Variants in DOCK5 observed in about 807,000 individuals in gnomAD.
The protein encoded by DOCK5 is dedicator of cytokinesis 5, also known as dedicator of cytokinesis protein 5.
A neutral mutation model predicts 251.8 loss-of-function variants in DOCK5; 142 were observed. The ratio of observed to expected loss-of-function variants is 0.56; its 90% CI spans 0.49 to 0.65. The LOEUF is 0.65. Ranked by LOEUF, DOCK5 falls within the 30% of genes least tolerant of loss-of-function variation. DOCK5 has a pLI of 0.00. For missense variants in DOCK5, 2,111 were observed against 2,312.3 expected (o/e 0.91, Z 1.79); for synonymous variants, 842 against 835.5 (o/e 1.01, Z -0.13).
chr8:25,318,289 C>G (rs1241195062), intron 14 of DOCK5, among the ~76,000 whole-genome samples: 1 of 151,884 alleles, frequency 6.6e-6, no homozygotes, highest in African/African-American at 2.4e-5. Context: ...CGGGGTTTCA[C>G]TATGTTAGCC....
At chr8:25,194,728 C>T (rs1448576270) in intron 1 of DOCK5, among the ~76,000 whole-genome samples, 10 of 152,158 alleles carry the variant, frequency 6.6e-5, no homozygotes, top group Non-Finnish European at 1.5e-4. Context: ...TCTCTAACCC[C>T]AGAACCGCAC....
chr8:25,362,917 G>T, intron 28 of DOCK5, 130 bp from the exon 29 acceptor site: 1 of 676,760 alleles, frequency 1.5e-6, no homozygotes. Flanking sequence ...TAAAACCCTT[G>T]AAAGATGGGC....
Position 25,411,517 on chromosome 8 carries a change from G to C in DOCK5, c.*219G>C. ...CCCTTCCAGTCCACATGGAATTCCAGAATCAGTCACAGCCTCTGATTTTTT... is the reference window on the plus strand; with the variant it reads ...CCCTTCCAGTCCACATGGAATTCCACAATCAGTCACAGCCTCTGATTTTTT... On this transcript the variant is annotated 3_prime_UTR_variant, in exon 52 of 52. Coordinates refer to ENST00000276440, the MANE Select transcript of DOCK5 (RefSeq NM_024940.8). 1 of 531,206 alleles carries C rather than the reference G, an allele frequency of 1.9e-6. No individual in the cohort carries two copies. The allele number at this position is 531,206 out of a possible 1,614,324, so 32.9% of individuals were successfully genotyped here. A position where few individuals can be genotyped will look rare whatever the true frequency, so the allele number is the denominator to read the frequency against.
intron 5 of DOCK5, among the ~76,000 whole-genome samples, chr8:25,285,887 G>A (rs1332754061): frequency 6.6e-6 from 1 of 152,162 alleles, no homozygotes; most frequent in African/African-American, 2.4e-5. Context: ...AAGATGTGGC[G>A]TGGGACTGAC....
At chr8:25,351,502 C>T (rs1022061779) in intron 26 of DOCK5, 2 of 478,338 alleles carry the variant, frequency 4.2e-6, no homozygotes, top group Non-Finnish European at 7.5e-6. Context: ...GGCACTCATC[C>T]CTGCACAGCC....
At chr8:25,256,933 A>T (rs941723657) in intron 2 of DOCK5, among the ~76,000 whole-genome samples, 7 of 149,684 alleles carry the variant, frequency 4.7e-5, no homozygotes, top group Admixed American at 4.0e-4. Context: ...CATCTTTTCT[A>T]CCATTTTCTT....
intron 37 of DOCK5, chr8:25,376,396 G>A: frequency 1.0e-6 from 1 of 983,104 alleles, no homozygotes; most frequent in Non-Finnish European, 1.2e-6. Flanking sequence ...TTCTTATTTT[G>A]GGGGGAGGGA....
rs115053301 is a variant in DOCK5 at position 25,390,305 on chromosome 8, T to A, written c.4355+18T>A. 1,084 of 1,364,346 alleles carry A rather than the reference T, an allele frequency of 7.9e-4. 4 individuals are homozygous for A. The African/African-American group carries it at 0.014, about 18-fold the overall frequency. The allele number at this position is 1,364,346 out of a possible 1,614,324, so 84.5% of individuals were successfully genotyped here. A position where few individuals can be genotyped will look rare whatever the true frequency, so the allele number is the denominator to read the frequency against. On this transcript the variant is annotated intron_variant, in intron 42 of 51. Transcript: ENST00000276440. Reference sequence around the variant, plus strand: ...ATCTTAAAGTAAGTGGTTTTTCATTTAAAAAAAAAAAAAATCTGTGTCTAG... The same window carrying A: ...ATCTTAAAGTAAGTGGTTTTTCATTAAAAAAAAAAAAAAATCTGTGTCTAG...
chr8:25,350,546 A>G (rs1800448393), intron 26 of DOCK5, among the ~76,000 whole-genome samples: 1 of 152,236 alleles, frequency 6.6e-6, no homozygotes, highest in South Asian at 2.1e-4. Flanking sequence ...GTCAGAATAC[A>G]AAATCCTTGT....
At position 25,268,008 on chromosome 8, in the gene DOCK5, G is replaced by A. The variant is rs576558225; in HGVS notation, c.128-837G>A. Among the ~76,000 whole-genome samples the A allele has an allele frequency of 9.3e-4, 142 of 152,040 alleles. 1 individual carries two copies. Among genetic ancestry groups the A allele is most frequent in the Middle Eastern group, 3.4e-3 (1 of 294 alleles). ...CTCCTGAGTAGCTGGGATTACAGGG[G>A]CACACCACCACACCTGGCTAATCTT... On this transcript the variant is annotated intron_variant, in intron 2 of 51. Coordinates refer to ENST00000276440, the MANE Select transcript of DOCK5 (RefSeq NM_024940.8).
chr8:25,335,138 A>T (rs2468897), intron 21 of DOCK5, among the ~76,000 whole-genome samples: 132,549 of 152,228 alleles, frequency 0.87, 57,995 homozygotes, highest in Middle Eastern at 0.97. Flanking sequence ...TAAATAGTGA[A>T]AGGAATGTAG....
intron 4 of DOCK5, among the ~76,000 whole-genome samples, chr8:25,277,711 T>G (rs765988061): frequency 2.6e-5 from 4 of 152,170 alleles, no homozygotes; most frequent in Non-Finnish European, 5.9e-5. Flanking sequence ...TCACACCAAT[T>G]AGGGTTATAC....
At chr8:25,225,277 G>A (rs1010764929) in intron 1 of DOCK5, among the ~76,000 whole-genome samples, 2 of 152,180 alleles carry the variant, frequency 1.3e-5, no homozygotes, top group African/African-American at 4.8e-5. Context: ...AGCAGGGTCT[G>A]GAGGAGATAT....
intron 22 of DOCK5, among the ~76,000 whole-genome samples, chr8:25,339,081 C>T (rs1038493989): frequency 6.6e-6 from 1 of 152,082 alleles, no homozygotes; most frequent in Admixed American, 6.6e-5. Flanking sequence ...GGGGAAGAGA[C>T]TGGCAATGTG....
At chr8:25,335,871 T>C (rs1037266445) in intron 21 of DOCK5, among the ~76,000 whole-genome samples, 5 of 152,240 alleles carry the variant, frequency 3.3e-5, no homozygotes, top group African/African-American at 1.2e-4. Flanking sequence ...AGTCAACTCC[T>C]GTAGGCAGGC....
At chr8:25,311,964 T>C (rs1215349396) in intron 13 of DOCK5, among the ~76,000 whole-genome samples, 1 of 151,976 alleles carries the variant, frequency 6.6e-6, no homozygotes, top group South Asian at 2.1e-4. Flanking sequence ...TAATACAAAA[T>C]CTTATTTCTC....
intron 36 of DOCK5, among the ~76,000 whole-genome samples, 184 bp from the exon 37 acceptor site, chr8:25,374,380 A>G (rs1474466061): frequency 1.3e-5 from 2 of 152,150 alleles, no homozygotes; most frequent in Non-Finnish European, 2.9e-5. Flanking sequence ...GGCACGTGCC[A>G]GCTACTTAGG....
In DOCK5 at chr8:25,210,080, TTATCTATCTATCTATCTATCTATC is replaced by T. The variant is rs34206435; in HGVS notation, c.43+25162_43+25185del. Reference sequence around the variant, plus strand: ...TGTGTGTGTGTGTGTATCTGTCTATTTATCTATCTATCTATCTATCTATCTATCTATCTATCTATCTATCTATCT... The same window carrying T: ...TGTGTGTGTGTGTGTATCTGTCTATTTATCTATCTATCTATCTATCTATCT... On this transcript the variant is annotated intron_variant, in intron 1 of 51. Coordinates refer to ENST00000276440, the MANE Select transcript of DOCK5 (RefSeq NM_024940.8). Among the ~76,000 whole-genome samples, 15 of 26,304 alleles carry T rather than the reference TTATCTATCTATCTATCTATCTATC, an allele frequency of 5.7e-4. 4 individuals are homozygous for T. Among genetic ancestry groups the T allele is most frequent in the Admixed American group, 1.1e-3 (2 of 1,894 alleles). 17.3% of individuals were successfully genotyped at this position (26,304 alleles called of 152,430 possible). A position where few individuals can be genotyped will look rare whatever the true frequency, so the allele number is the denominator to read the frequency against.
At chr8:25,368,292 G>C in intron 32 of DOCK5, 42 bp downstream of exon 32, 1 of 1,536,810 alleles carries the variant, frequency 6.5e-7, no homozygotes, top group Non-Finnish European at 8.9e-7. Context: ...CAACCTCTGA[G>C]TGATAAGCAT....
Sources: allele counts gnomAD v4.1 joint callset (sites outside exome capture counted in the v4.1 genomes callset), GRCh38; gene constraint gnomAD v4.1.1; transcripts MANE v1.5; gene names NCBI Gene and HGNC (gene_info 2026-07-23, HGNC 2026-07-21).